SORCS2: variants seen among roughly 807,000 people sequenced by gnomAD.
SORCS2 encodes VPS10 domain-containing receptor SorCS2.
In SORCS2, 100 loss-of-function variants were observed where a neutral mutation model predicts 141.6. The ratio of observed to expected loss-of-function variants is 0.71; its 90% confidence interval spans 0.60 to 0.83. The LOEUF (loss-of-function observed/expected upper bound fraction) is 0.83, where lower values mean the gene tolerates loss of function less well. Ranked by LOEUF, SORCS2 falls within the 40% of genes least tolerant of loss-of-function variation. The pLI is 0.00. For missense variants in SORCS2, 1,646 were observed against 1,560.2 expected, an observed-to-expected ratio of 1.05 and a Z score of -0.93; for synonymous variants, 789 against 676.9, an observed-to-expected ratio of 1.17 and a Z score of -2.57.
At chr4:7,241,807 A>C (rs1261705232) in intron 1 of SORCS2, among the ~76,000 whole-genome samples, 1 of 152,170 alleles carries the variant, frequency 6.6e-6, no homozygotes, top group Non-Finnish European at 1.5e-5. Context: ...CTGAGTGAGC[A>C]CTTGGGGAAA....
chr4:7,673,616 T>G (rs1722920299), intron 8 of SORCS2, among the ~76,000 whole-genome samples: 2 of 152,200 alleles, frequency 1.3e-5, no homozygotes. Context: ...AAAACGCTGG[T>G]GCGAGGTCTC....
At chr4:7,568,703 A>T (rs2109701915) in intron 3 of SORCS2, among the ~76,000 whole-genome samples, 1 of 152,338 alleles carries the variant, frequency 6.6e-6, no homozygotes, top group African/African-American at 2.4e-5. Flanking sequence ...AAAACTTAAA[A>T]TATCCCACCA....
intron 4 of SORCS2, among the ~76,000 whole-genome samples, chr4:7,649,956 C>A (rs1397881523): frequency 6.6e-6 from 1 of 152,152 alleles, no homozygotes; most frequent in African/African-American, 2.4e-5. Flanking sequence ...TCAGAGCCAG[C>A]AGATGTGGCC....
chr4:7,400,828 TG>T (rs1724534236), intron 2 of SORCS2, among the ~76,000 whole-genome samples: 2 of 151,804 alleles, frequency 1.3e-5, no homozygotes, highest in African/African-American at 4.8e-5. Flanking sequence ...AATGGATGGA[TG>T]GATGGGTGGA....
intron 1 of SORCS2, among the ~76,000 whole-genome samples, chr4:7,238,182 G>A (rs1560132109): frequency 6.6e-6 from 1 of 152,106 alleles, no homozygotes; most frequent in African/African-American, 2.4e-5. Context: ...TGAACCAGAT[G>A]TACTCAAAAG....
At chr4:7,229,687 G>A (rs1400712486) in intron 1 of SORCS2, among the ~76,000 whole-genome samples, 2 of 152,238 alleles carry the variant, frequency 1.3e-5, no homozygotes, top group African/African-American at 4.8e-5. Context: ...GGTGTTCCAG[G>A]GTCGTGGGTG....
chr4:7,653,313 G>A (rs1721554521), intron 4 of SORCS2, among the ~76,000 whole-genome samples: 1 of 152,146 alleles, frequency 6.6e-6, no homozygotes, highest in African/African-American at 2.4e-5. Flanking sequence ...GTGTGATCTT[G>A]GCTCACTGCA....
chr4:7,725,085 C>T, intron 19 of SORCS2, 69 bp from the exon 20 acceptor site: 1 of 1,529,956 alleles, frequency 6.5e-7, no homozygotes, highest in Non-Finnish European at 8.8e-7. Context: ...TGACAGTGAT[C>T]ACTAAGCAGC....
At chr4:7,688,500 C>T (rs1279874002) in intron 10 of SORCS2, among the ~76,000 whole-genome samples, 2 of 152,168 alleles carry the variant, frequency 1.3e-5, no homozygotes, top group Non-Finnish European at 2.9e-5. Flanking sequence ...AGGGCTGGAC[C>T]CCAGAGCTGT....
At chr4:7,711,982 G>T (rs954928650) in intron 14 of SORCS2, among the ~76,000 whole-genome samples, 1 of 152,162 alleles carries the variant, frequency 6.6e-6, no homozygotes, top group South Asian at 2.1e-4. Context: ...CTCAGGGAGT[G>T]TGGGGCCACA....
At chr4:7,258,240 C>T (rs1243504707) in intron 1 of SORCS2, among the ~76,000 whole-genome samples, 1 of 152,166 alleles carries the variant, frequency 6.6e-6, no homozygotes, top group Non-Finnish European at 1.5e-5. Flanking sequence ...TGGTGGTTTG[C>T]TGCACCCATC....
At chr4:7,678,165 C>T (rs192698196) in intron 9 of SORCS2, among the ~76,000 whole-genome samples, 1 of 152,360 alleles carries the variant, frequency 6.6e-6, no homozygotes, top group African/African-American at 2.4e-5. Context: ...CCTGGAGACA[C>T]AGCACAGGGG....
intron 1 of SORCS2, among the ~76,000 whole-genome samples, chr4:7,387,822 A>C (rs1311234037): frequency 2.0e-5 from 3 of 151,322 alleles, no homozygotes; most frequent in Admixed American, 1.3e-4. Flanking sequence ...AGATACAGAG[A>C]TACACATGCA....
chr4:7,556,998 T>C (rs565903283), intron 3 of SORCS2, among the ~76,000 whole-genome samples: 16 of 147,598 alleles, frequency 1.1e-4, no homozygotes, highest in Admixed American at 8.8e-4. Flanking sequence ...CGTCCATCTA[T>C]CCATTTATCC....
intron 1 of SORCS2, among the ~76,000 whole-genome samples, chr4:7,265,548 G>T (rs1714668521): frequency 6.6e-6 from 1 of 152,150 alleles, no homozygotes; most frequent in African/African-American, 2.4e-5. Flanking sequence ...GGCTGCAGGG[G>T]TGGCTCCTGC....
chr4:7,459,521 G>T (rs116531652), intron 2 of SORCS2, among the ~76,000 whole-genome samples: 3,819 of 152,264 alleles, frequency 0.025, 86 homozygotes, highest in Admixed American at 0.041. Flanking sequence ...CACCCATGAT[G>T]GCCGGGCCCC....
intron 1 of SORCS2, among the ~76,000 whole-genome samples, chr4:7,212,198 C>T (rs1728097130): frequency 6.6e-6 from 1 of 152,184 alleles, no homozygotes; most frequent in South Asian, 2.1e-4. Context: ...CTCCTCTCTT[C>T]CCAGACCCTG....
At chr4:7,212,561 T>G (rs1728115915) in intron 1 of SORCS2, among the ~76,000 whole-genome samples, 1 of 152,224 alleles carries the variant, frequency 6.6e-6, no homozygotes, top group Non-Finnish European at 1.5e-5. Context: ...CTGTTTTCAC[T>G]GCATGTTGGC....
intron 5 of SORCS2, among the ~76,000 whole-genome samples, chr4:7,660,388 G>A (rs1048312024): frequency 1.3e-5 from 2 of 152,168 alleles, no homozygotes; most frequent in East Asian, 1.9e-4. Flanking sequence ...GGCCCGCAGC[G>A]GGCCTTGGAC....
Sources: allele counts gnomAD v4.1 joint callset (sites outside exome capture counted in the v4.1 genomes callset), GRCh38; gene constraint gnomAD v4.1.1; transcripts MANE v1.5; gene names NCBI Gene and HGNC (gene_info 2026-07-23, HGNC 2026-07-21).